Variants in SLC1A2 observed in about 807,000 individuals in gnomAD.
SLC1A2 encodes excitatory amino acid transporter 2.
SLC1A2 carries 15 observed loss-of-function variants against 48.8 expected under a neutral mutation model. That is an observed-to-expected ratio of 0.31 (90% CI 0.21 to 0.47). The LOEUF (loss-of-function observed/expected upper bound fraction) is 0.47, where lower values mean the gene tolerates loss of function less well. Among genes scored for constraint, SLC1A2 ranks in the 20% least tolerant of loss-of-function variants. The pLI, the probability that SLC1A2 is intolerant of heterozygous loss-of-function variation, is 0.99. For missense variants in SLC1A2, 502 were observed against 730.5 expected, an observed-to-expected ratio of 0.69 and a Z score of 3.61; for synonymous variants, 279 against 272.6, an observed-to-expected ratio of 1.02 and a Z score of -0.23.
At chr11:35,410,207 C>G (rs567422375) in intron 1 of SLC1A2, among the ~76,000 whole-genome samples, 14 of 152,156 alleles carry the variant, frequency 9.2e-5, no homozygotes, top group Admixed American at 3.3e-4. Flanking sequence ...TTGATATACA[C>G]ATACACTGTG....
chr11:35,377,448 C>T (rs533037777), intron 1 of SLC1A2, among the ~76,000 whole-genome samples: 2 of 152,162 alleles, frequency 1.3e-5, no homozygotes, highest in Non-Finnish European at 2.9e-5. Flanking sequence ...TGCTCTACAC[C>T]CGTCATTCCA....
chr11:35,288,350 C>T (rs1850892035), intron 7 of SLC1A2, among the ~76,000 whole-genome samples: 1 of 152,178 alleles, frequency 6.6e-6, no homozygotes, highest in Non-Finnish European at 1.5e-5. Context: ...GGGGACATCT[C>T]ATAACTAAAA....
At chr11:35,340,401 C>T (rs1397229899) in intron 1 of SLC1A2, among the ~76,000 whole-genome samples, 1 of 152,170 alleles carries the variant, frequency 6.6e-6, no homozygotes. Context: ...ATCTGAGCTC[C>T]CTATCTGCTT....
At position 35,252,236 on chromosome 11, in the gene SLC1A2, C is replaced by T. The variant is rs1241700972; in HGVS notation, c.*8658G>A. On this transcript the variant is annotated 3_prime_UTR_variant, in exon 11 of 11. Coordinates refer to ENST00000278379, the MANE Select transcript of SLC1A2 (RefSeq NM_004171.4). ...TTTTCCTGTACCCTGACTCAAAAAT[C>T]CAAGGGAGACAAGGCTCCTCAGAAC... The T allele has an allele frequency of 6.6e-6, 1 of 152,482 alleles. No individual in the cohort carries two copies. The highest frequency in any genetic ancestry group is 2.4e-5 in the African/African-American group (1 of 41,372). 9.4% of individuals were successfully genotyped at this position (152,482 alleles called of 1,614,324 possible).
chr11:35,384,813 A>G (rs1854535094), intron 1 of SLC1A2, among the ~76,000 whole-genome samples: 1 of 152,196 alleles, frequency 6.6e-6, no homozygotes, highest in South Asian at 2.1e-4. Context: ...GGATTTTAGA[A>G]ACCCAATAAT....
chr11:35,287,057 T>A (rs1565215337), intron 7 of SLC1A2, 106 bp from the exon 8 acceptor site: 3 of 893,740 alleles, frequency 3.4e-6, no homozygotes, highest in Non-Finnish European at 5.3e-6. Flanking sequence ...TTGTTTTGTG[T>A]CAATCAAGCA....
chr11:35,303,730 A>G (rs576916690), intron 5 of SLC1A2, among the ~76,000 whole-genome samples: 6 of 152,340 alleles, frequency 3.9e-5, no homozygotes, highest in African/African-American at 9.6e-5. Flanking sequence ...TTAAAGGAAC[A>G]GTTGGAGTTG....
At chr11:35,304,713 T>C (rs1439953429) in intron 5 of SLC1A2, among the ~76,000 whole-genome samples, 1 of 152,116 alleles carries the variant, frequency 6.6e-6, no homozygotes, top group Non-Finnish European at 1.5e-5. Context: ...TCTTTCTCTC[T>C]ACCATTCTAG....
At chr11:35,363,554 C>G (rs1486375874) in intron 1 of SLC1A2, among the ~76,000 whole-genome samples, 1 of 152,172 alleles carries the variant, frequency 6.6e-6, no homozygotes, top group Non-Finnish European at 1.5e-5. Context: ...AGGGACATCT[C>G]TAACACATCT....
In SLC1A2 at chr11:35,357,331, G is replaced by GA. The variant is rs370888242; in HGVS notation, c.18-39816dup. Among the ~76,000 whole-genome samples, 71 of 151,722 alleles carry GA rather than the reference G, an allele frequency of 4.7e-4. 2 individuals carry two copies. The highest frequency in any genetic ancestry group is 1.6e-3 in the African/African-American group (67 of 41,400). On this transcript the variant is annotated intron_variant, in intron 1 of 10. Transcript: ENST00000278379. ...TAATTTTAGATCTCTATTAAAGGCA[G>GA]AAAATCTAAATCAATGACTTAAATT...
chr11:35,330,250 C>T (rs1852384842), intron 1 of SLC1A2, among the ~76,000 whole-genome samples: 2 of 152,218 alleles, frequency 1.3e-5, no homozygotes, highest in African/African-American at 4.8e-5. Flanking sequence ...GACCTGCACA[C>T]AACCTTCCAG....
chr11:35,299,963 T>C (rs1029085348), intron 6 of SLC1A2, among the ~76,000 whole-genome samples: 3 of 152,034 alleles, frequency 2.0e-5, no homozygotes, highest in Non-Finnish European at 4.4e-5. Context: ...TAGGCAGACA[T>C]ACAGGACCAT....
intron 1 of SLC1A2, among the ~76,000 whole-genome samples, chr11:35,396,679 T>A (rs2135258533): frequency 6.6e-6 from 1 of 152,308 alleles, no homozygotes; most frequent in South Asian, 2.1e-4. Flanking sequence ...CTCTTTATTT[T>A]AATTAGATCC....
intron 1 of SLC1A2, among the ~76,000 whole-genome samples, chr11:35,330,976 C>G (rs1444969011): frequency 1.3e-5 from 2 of 152,332 alleles, no homozygotes; most frequent in South Asian, 4.1e-4. Flanking sequence ...CAATGGGAAA[C>G]TAAGGTAGTA....
chr11:35,300,880 A>G (rs10836369), intron 6 of SLC1A2, among the ~76,000 whole-genome samples: 49,752 of 151,868 alleles, frequency 0.33, 9,418 homozygotes, highest in South Asian at 0.54. Context: ...TTAGCTGGGC[A>G]TGGTAGTGTG....
rs1852115008 is a variant in SLC1A2, at chr11:35,322,777, C to A, written c.18-5261G>T. 1.3e-5 allele frequency: 10 copies of A among 754,874 alleles called. No homozygotes were observed. In the South Asian group the frequency reaches 1.5e-4, roughly 11 times the overall value. 46.8% of individuals were successfully genotyped at this position (754,874 alleles called of 1,614,324 possible). ...ATGCTGGAAATACCTGTTGCATCAGCTCGAGCACCAAGAACCAGGAAGCAG... is the reference window on the plus strand; with the variant it reads ...ATGCTGGAAATACCTGTTGCATCAGATCGAGCACCAAGAACCAGGAAGCAG... On this transcript the variant is annotated intron_variant, in intron 1 of 10. Coordinates refer to ENST00000278379, the MANE Select transcript of SLC1A2 (RefSeq NM_004171.4).
At chr11:35,344,115 C>T (rs372800814) in intron 1 of SLC1A2, among the ~76,000 whole-genome samples, 5 of 151,960 alleles carry the variant, frequency 3.3e-5, no homozygotes, top group African/African-American at 1.2e-4. Flanking sequence ...CATGCATTTA[C>T]CCATTCAACA....
intron 1 of SLC1A2, among the ~76,000 whole-genome samples, chr11:35,341,719 C>A (rs1390152538): frequency 6.6e-6 from 1 of 152,146 alleles, no homozygotes; most frequent in Non-Finnish European, 1.5e-5. Flanking sequence ...TAGTTTCTAT[C>A]AAAATTTAAG....
chr11:35,317,803 GC>G (rs1851932982), intron 1 of SLC1A2, among the ~76,000 whole-genome samples: 1 of 152,184 alleles, frequency 6.6e-6, no homozygotes, highest in Non-Finnish European at 1.5e-5. Flanking sequence ...ATGTTACAGA[GC>G]CTTTACTTGA....
Sources: gnomAD v4.1 joint callset for allele counts (sites outside exome capture counted in the v4.1 genomes callset) on GRCh38, gnomAD v4.1.1 for gene constraint, MANE v1.5 for transcripts, NCBI Gene and HGNC (gene_info 2026-07-23, HGNC 2026-07-21) for gene names.